CLVS2: variants seen among roughly 807,000 people sequenced by gnomAD.
CLVS2 encodes the protein clavesin-2.
In CLVS2, 19 loss-of-function variants were observed where a neutral mutation model predicts 29.0. The observed-to-expected ratio is 0.66, with a 90% CI of 0.46 to 0.96. The LOEUF is 0.96. Ranked by LOEUF, CLVS2 falls within the 40% of genes least tolerant of loss-of-function variation. The pLI is 0.00. For missense variants in CLVS2, 294 were observed against 404.1 expected (o/e 0.73, Z 2.34); for synonymous variants, 161 against 151.3 (o/e 1.06, Z -0.47).
intron 3 of CLVS2, among the ~76,000 whole-genome samples, chr6:123,045,020 C>A (rs1002776084): frequency 5.9e-4 from 90 of 151,990 alleles, no homozygotes; most frequent in Non-Finnish European, 5.9e-5. Context: ...TGTGAGTGAT[C>A]AGTAATCCTA....
rs1365940355 is a variant in CLVS2 at position 123,067,516 on chromosome 6, A to G, written c.*3755A>G. On this transcript the variant is annotated 3_prime_UTR_variant, in exon 6 of 6. Transcript: ENST00000275162. ...TATCTCAGCTTCTTTTTTTGTGTAT[A>G]TTTATTAATGATTACATGAAAAGTT... 6.6e-6 allele frequency: 1 copy of G among 151,732 alleles called. No individual in the cohort carries two copies. Among genetic ancestry groups the G allele is most frequent in the Middle Eastern group, 3.4e-3 (1 of 294 alleles). The allele number at this position is 151,732 out of a possible 1,614,324, so 9.4% of individuals were successfully genotyped here. A position where few individuals can be genotyped will look rare whatever the true frequency, so the allele number is the denominator to read the frequency against.
chr6:123,027,951 T>A (rs1775027247), intron 3 of CLVS2, among the ~76,000 whole-genome samples: 1 of 152,244 alleles, frequency 6.6e-6, no homozygotes, highest in Non-Finnish European at 1.5e-5. Context: ...AGTACATTAA[T>A]AGCACAATAT....
intron 2 of CLVS2, among the ~76,000 whole-genome samples, chr6:123,009,653 A>C (rs945548330): frequency 2.0e-5 from 3 of 152,002 alleles, no homozygotes; most frequent in Non-Finnish European, 2.9e-5. Context: ...CCTGAGGTCC[A>C]GATCTCTTTC....
chr6:123,016,919 C>G (rs1774843387), intron 3 of CLVS2, among the ~76,000 whole-genome samples: 1 of 152,040 alleles, frequency 6.6e-6, no homozygotes, highest in Non-Finnish European at 1.5e-5. Flanking sequence ...AAGCCCAGTC[C>G]TACCTAGGGA....
In CLVS2 at chr6:123,071,313, TA is replaced by T. The variant is rs1235644270; in HGVS notation, c.*7553del. On this transcript the variant is annotated 3_prime_UTR_variant, in exon 6 of 6. Coordinates refer to ENST00000275162, the MANE Select transcript of CLVS2 (RefSeq NM_001010852.4). ...TTATTTATCTTCAAAGGGGAAATTTTACCCTCTCATGATAATAGAATCATGA... is the reference window on the plus strand; with the variant it reads ...TTATTTATCTTCAAAGGGGAAATTTTCCCTCTCATGATAATAGAATCATGA... 2.0e-5 allele frequency: 3 copies of T among 152,194 alleles called. No homozygotes were observed. The highest frequency in any genetic ancestry group is 7.2e-5 in the African/African-American group (3 of 41,564). 9.4% of individuals were successfully genotyped at this position (152,194 alleles called of 1,614,324 possible).
chr6:123,014,430 A>G (rs1460465821), intron 3 of CLVS2, among the ~76,000 whole-genome samples: 3 of 152,090 alleles, frequency 2.0e-5, no homozygotes, highest in Admixed American at 6.6e-5. Flanking sequence ...ATATTCATAC[A>G]TGAATATAGT....
intron 2 of CLVS2, among the ~76,000 whole-genome samples, chr6:123,006,108 G>A (rs1314534565): frequency 6.6e-6 from 1 of 152,086 alleles, no homozygotes; most frequent in African/African-American, 2.4e-5. Context: ...TGAGAGAGAG[G>A]GCGCTGAGGT....
chr6:123,027,182 A>G (rs1294220590), intron 3 of CLVS2, among the ~76,000 whole-genome samples: 1 of 152,178 alleles, frequency 6.6e-6, no homozygotes, highest in Non-Finnish European at 1.5e-5. Context: ...TTGAATTTAA[A>G]CTCTATTTTA....
chr6:123,040,692 C>T (rs1367255056), intron 3 of CLVS2, among the ~76,000 whole-genome samples: 1 of 151,274 alleles, frequency 6.6e-6, no homozygotes, highest in Non-Finnish European at 1.5e-5. Flanking sequence ...ACTCGGGAGT[C>T]GGGAGGCTGA....
chr6:123,062,599 C>T (rs898840961), intron 5 of CLVS2, among the ~76,000 whole-genome samples: 1 of 151,988 alleles, frequency 6.6e-6, no homozygotes, highest in African/African-American at 2.4e-5. Flanking sequence ...TTTTCATTCC[C>T]TCTTTAGGAA....
At chr6:123,025,584 C>G (rs1181667768) in intron 3 of CLVS2, among the ~76,000 whole-genome samples, 1 of 152,094 alleles carries the variant, frequency 6.6e-6, no homozygotes, top group African/African-American at 2.4e-5. Flanking sequence ...CAGTTATACT[C>G]CCAGGTGCCA....
rs145767758 is a variant in CLVS2, at chr6:123,058,233, A to G, written c.896+2207A>G. On this transcript the variant is annotated intron_variant, in intron 5 of 5. Transcript: ENST00000275162. ...ACGTTAGGTAGTCTATATATAGTGG[A>G]GCAGAGGGCTCCACTGCATGAGATG... Among the ~76,000 whole-genome samples, 15 of 152,194 alleles carry G rather than the reference A, an allele frequency of 9.9e-5. No individual in the cohort carries two copies. The East Asian group carries it at 2.9e-3, about 29-fold the overall frequency.
intron 3 of CLVS2, among the ~76,000 whole-genome samples, chr6:123,012,464 G>A (rs1774762756): frequency 6.6e-6 from 1 of 151,448 alleles, no homozygotes; most frequent in East Asian, 2.0e-4. Flanking sequence ...GCTCCTGAAG[G>A]ACTGGAGAAC....
chr6:122,999,422 T>C (rs11756800), intron 2 of CLVS2, among the ~76,000 whole-genome samples: 38,335 of 152,178 alleles, frequency 0.25, 5,212 homozygotes, highest in Non-Finnish European at 0.31. Flanking sequence ...GACAAACTAC[T>C]ACCTGAAGAT....
intron 2 of CLVS2, among the ~76,000 whole-genome samples, chr6:122,998,463 G>A (rs12197438): frequency 0.25 from 38,403 of 152,022 alleles, 5,217 homozygotes; most frequent in Non-Finnish European, 0.31. Flanking sequence ...AAGCTTCTCT[G>A]TATGTTTCAC....
chr6:123,032,424 C>A (rs1470464324), intron 3 of CLVS2, among the ~76,000 whole-genome samples: 3 of 151,978 alleles, frequency 2.0e-5, no homozygotes, highest in African/African-American at 7.2e-5. Context: ...TTATCAAAGG[C>A]ATTCTGGTAA....
At chr6:123,048,778 T>G in intron 4 of CLVS2, 46 bp downstream of exon 4, 2 of 1,108,980 alleles carry the variant, frequency 1.8e-6, no homozygotes, top group Non-Finnish European at 2.8e-6. Context: ...CGCCATCCAA[T>G]GAATTATAAT....
chr6:123,045,836 C>A (rs1190706216), intron 3 of CLVS2, among the ~76,000 whole-genome samples: 3 of 151,948 alleles, frequency 2.0e-5, no homozygotes, highest in Non-Finnish European at 2.9e-5. Context: ...AGAGAGTGGG[C>A]TTTTATGAGT....
intron 3 of CLVS2, among the ~76,000 whole-genome samples, chr6:123,019,490 G>A (rs1484274835): frequency 2.0e-5 from 3 of 151,960 alleles, no homozygotes; most frequent in African/African-American, 7.2e-5. Flanking sequence ...CATAGGTTAA[G>A]GGGCAGGCGA....
Sources: allele counts gnomAD v4.1 joint callset (sites outside exome capture counted in the v4.1 genomes callset), GRCh38; gene constraint gnomAD v4.1.1; transcripts MANE v1.5; gene names NCBI Gene and HGNC (gene_info 2026-07-23, HGNC 2026-07-21).